CCDC97: variants seen among roughly 807,000 people sequenced by gnomAD.
CCDC97 encodes coiled-coil domain-containing protein 97.
CCDC97 carries 27 observed loss-of-function variants against 33.9 expected under a neutral mutation model. The ratio of observed to expected loss-of-function variants is 0.80; its 90% confidence interval spans 0.59 to 1.10. The LOEUF (loss-of-function observed/expected upper bound fraction) is 1.10, where lower values mean the gene tolerates loss of function less well. Among genes scored for constraint, CCDC97 ranks in the 50% least tolerant of loss-of-function variants. The probability of loss-of-function intolerance (pLI) is 0.00; values close to 1 mark genes in which losing one functional copy is unlikely to be tolerated. For missense variants in CCDC97, 422 were observed against 476.6 expected (o/e 0.89, Z 1.07); for synonymous variants, 217 against 194.0 (o/e 1.12, Z -0.99).
In CCDC97 at chr19:41,323,445, C is replaced by T. The variant is rs1568471509; in HGVS notation, c.*730C>T. 6.5e-6 allele frequency: 1 copy of T among 153,288 alleles called. No homozygotes were observed. Among genetic ancestry groups the T allele is most frequent in the Non-Finnish European group, 1.5e-5 (1 of 68,690 alleles). 9.5% of individuals were successfully genotyped at this position (153,288 alleles called of 1,614,324 possible). On this transcript the variant is annotated 3_prime_UTR_variant, in exon 5 of 5. Coordinates refer to ENST00000269967, the MANE Select transcript of CCDC97 (RefSeq NM_052848.3). ...CCCCTTCTTCCCCCTTCCCTCAAAC[C>T]TGGCTGCTATAGGCAGCAGAACCCT...
Position 41,319,845 on chromosome 19 carries a change from CG to C in CCDC97, c.775del (p.Glu259ArgfsTer21). 2 of 1,490,438 alleles carry C rather than the reference CG, an allele frequency of 1.3e-6. No individual in the cohort carries two copies. Among genetic ancestry groups the C allele is most frequent in the East Asian group, 4.6e-5 (2 of 43,300 alleles). 92.3% of individuals were successfully genotyped at this position (1,490,438 alleles called of 1,614,324 possible). On this transcript the variant is annotated frameshift_variant, in exon 3 of 5. Coordinates refer to ENST00000269967, the MANE Select transcript of CCDC97 (RefSeq NM_052848.3). LOFTEE classifies it high-confidence loss of function. ...AAGAGGAAGAGGAGGAGGACAGTGA[CG>C]AGGAAGGTGAGGGCCAGTAGCAGGA... Reference protein sequence around the residue: ...EEEEEEEDSDEEDQRSGKDSE... With the variant: ...EEEEEEEDSDXEDQRSGKDSE...
intron 1 of CCDC97, among the ~76,000 whole-genome samples, chr19:41,313,244 C>T (rs894899171): frequency 6.6e-6 from 1 of 152,174 alleles, no homozygotes; most frequent in Non-Finnish European, 1.5e-5. Flanking sequence ...GTCCCTACCT[C>T]TCATTTCTCT....
Position 41,316,595 on chromosome 19 carries a change from C to T in CCDC97, c.258C>T (p.Asp86=), listed in dbSNP as rs781344568. ...PVCSQQQGEP[D]LTEHEKVAIL... Reference sequence around the variant, plus strand: ...GCAGCCAGCAGCAGGGTGAACCCGACTTGACAGAGCATGAGAAAGTGGCCA... The same window carrying T: ...GCAGCCAGCAGCAGGGTGAACCCGATTTGACAGAGCATGAGAAAGTGGCCA... The change falls in exon 2 of 5, where the codon GAC becomes GAT. Residue 86 remains aspartate, a synonymous_variant. Transcript: ENST00000269967. 3 of 1,614,256 alleles carry T rather than the reference C, an allele frequency of 1.9e-6. No individual in the cohort carries two copies. The highest frequency in any genetic ancestry group is 2.5e-6 in the Non-Finnish European group (3 of 1,180,052).
At chr19:41,317,992 CAAA>C (rs764111028) in intron 2 of CCDC97, among the ~76,000 whole-genome samples, 60 of 61,876 alleles carry the variant, frequency 9.7e-4, no homozygotes, top group Middle Eastern at 9.3e-3. Flanking sequence ...TGGAGGTTGC[CAAA>C]AAAAAAAAAA....
rs767966086 is a variant in CCDC97 at position 41,316,789 on chromosome 19, G to C, written c.452G>C (p.Arg151Pro). The part of the protein sequence containing the change: ...RQGTARPRTL[R>P]TRLRNRRYAA... ...GGCACTGCCCGGCCCCGCACCCTGC[G>C]TACCCGCCTGCGTAACCGGCGCTAT... The change falls in exon 2 of 5, where the codon CGT (arginine) becomes CCT (proline). Residue 151 changes from arginine to proline, a missense_variant. Arg to Pro is a moderately radical substitution (Grantham distance 103, BLOSUM62 -2). Coordinates refer to ENST00000269967, the MANE Select transcript of CCDC97 (RefSeq NM_052848.3). The C allele has an allele frequency of 5.6e-6, 9 of 1,602,196 alleles. No homozygotes were observed. The highest frequency in any genetic ancestry group is 6.8e-6 in the Non-Finnish European group (8 of 1,171,012).
At position 41,323,475 on chromosome 19, in the gene CCDC97, A is replaced by T. The variant is rs1374321849; in HGVS notation, c.*760A>T. ...TGCTATAGGCAGCAGAACCCTGACC[A>T]CTGAGTAATACAGCCCCAGGGGAGG... On this transcript the variant is annotated 3_prime_UTR_variant, in exon 5 of 5. Transcript: ENST00000269967. 1 of 152,346 alleles carries T rather than the reference A, an allele frequency of 6.6e-6. No individual in the cohort carries two copies. The highest frequency in any genetic ancestry group is 1.5e-5 in the Non-Finnish European group (1 of 68,122). The allele number at this position is 152,346 out of a possible 1,614,324, so 9.4% of individuals were successfully genotyped here.
At chr19:41,311,805 G>A (rs866053986) in intron 1 of CCDC97, among the ~76,000 whole-genome samples, 3 of 151,576 alleles carry the variant, frequency 2.0e-5, no homozygotes, top group South Asian at 2.1e-4. Flanking sequence ...AGTCTGAGGC[G>A]GGAGGATCAC....
intron 1 of CCDC97, 48 bp from the exon 2 acceptor site, chr19:41,316,336 C>A (rs780306929): frequency 6.1e-6 from 9 of 1,467,762 alleles, no homozygotes; most frequent in Non-Finnish European, 7.5e-6. Flanking sequence ...GCCCCCAGTC[C>A]CTTCCCACAC....
chr19:41,316,691 G>A lies in CCDC97; in HGVS notation c.354G>A (p.Glu118=), dbSNP rs1599873793. 1 of 1,614,088 alleles carries A rather than the reference G, an allele frequency of 6.2e-7. No individual in the cohort carries two copies. The highest frequency in any genetic ancestry group is 8.5e-7 in the Non-Finnish European group (1 of 1,180,020). Residue 118 remains glutamate (E), a synonymous_variant, in exon 2 of 5, where the codon GAG becomes GAA. Transcript: ENST00000269967. The stretch of plus-strand genomic sequence containing the variant: ...GCTTCCGCACAGGCCTCCGTGAGGA[G>A]CATCTGGCCTGCTTTGGCCACGTGC... The part of the protein sequence containing the change: ...LERFRTGLRE[E]HLACFGHVRG...
chr19:41,310,919 C>T (rs1459735206), intron 1 of CCDC97: 6 of 975,716 alleles, frequency 6.1e-6, no homozygotes, highest in Admixed American at 6.1e-5. Flanking sequence ...CAAAGTAATC[C>T]GACGTCGGGT....
At position 41,310,700 on chromosome 19, in the gene CCDC97, C is replaced by T. The variant is rs1199409542; in HGVS notation, c.46+344C>T. 23 of 1,183,376 alleles carry T rather than the reference C, an allele frequency of 1.9e-5. No individual in the cohort carries two copies. In the Admixed American group the frequency reaches 8.8e-4, roughly 45 times the overall value. 73.3% of individuals were successfully genotyped at this position (1,183,376 alleles called of 1,614,324 possible). Reference sequence around the variant, plus strand: ...CCTCAGACCAGCCCTTCTCAAATTACCTCCTTCCCTGTACCAAGCTGAGCC... The same window carrying T: ...CCTCAGACCAGCCCTTCTCAAATTATCTCCTTCCCTGTACCAAGCTGAGCC... On this transcript the variant is annotated intron_variant, in intron 1 of 4. Transcript: ENST00000269967.
Position 41,322,891 on chromosome 19 carries a change from T to G in CCDC97, c.*176T>G. 1.7e-6 allele frequency: 1 copy of G among 589,236 alleles called. No individual in the cohort carries two copies. Among genetic ancestry groups the G allele is most frequent in the South Asian group, 2.6e-5 (1 of 39,212 alleles). 36.5% of individuals were successfully genotyped at this position (589,236 alleles called of 1,614,324 possible). The stretch of plus-strand genomic sequence containing the variant: ...TCAGACAACCCCCACCCCCACTGTT[T>G]CTGGGGTTCCCTTTCTCATCTCTCC... On this transcript the variant is annotated 3_prime_UTR_variant, in exon 5 of 5. Coordinates refer to ENST00000269967, the MANE Select transcript of CCDC97 (RefSeq NM_052848.3).
chr19:41,319,690 C>T lies in CCDC97; in HGVS notation c.619C>T (p.Pro207Ser), dbSNP rs2037794892. ...CAGTGCCCGCACCCCAACCCACCAG[C>T]CCCCCAAGCCCGGGTCCCCCGGGAG... ...ELSARTPTHQPPKPGSPGRPA... is the reference protein window; with the variant it reads ...ELSARTPTHQSPKPGSPGRPA... Residue 207 changes from proline to serine, a missense_variant, in exon 3 of 5, where the codon CCC becomes TCC. Physicochemically the swap from Pro to Ser is moderately conservative, Grantham distance 74. Transcript: ENST00000269967. The T allele has an allele frequency of 1.2e-6, 2 of 1,613,864 alleles. No individual in the cohort carries two copies. Among genetic ancestry groups the T allele is most frequent in the Non-Finnish European group, 1.7e-6 (2 of 1,179,772 alleles).
intron 2 of CCDC97, among the ~76,000 whole-genome samples, chr19:41,318,089 G>A (rs1435036844): frequency 1.3e-5 from 2 of 151,878 alleles, no homozygotes; most frequent in Non-Finnish European, 2.9e-5. Context: ...TAAAGGAAGA[G>A]ATGGAGAGAG....
chr19:41,313,390 C>T (rs1017171531), intron 1 of CCDC97, among the ~76,000 whole-genome samples: 11 of 152,122 alleles, frequency 7.2e-5, no homozygotes, highest in Non-Finnish European at 1.3e-4. Flanking sequence ...ACTTCCAGCA[C>T]GTCAGCCCTG....
Position 41,310,280 on chromosome 19 carries a change from C to G in CCDC97, c.-31C>G. ...GCCGGAGGTTAGTGTGCGGGGCCCGCCGGGCGGTTGAAAAGTCCGAGAGAA... is the reference window on the plus strand; with the variant it reads ...GCCGGAGGTTAGTGTGCGGGGCCCGGCGGGCGGTTGAAAAGTCCGAGAGAA... On this transcript the variant is annotated 5_prime_UTR_variant, in exon 1 of 5. Coordinates refer to ENST00000269967, the MANE Select transcript of CCDC97 (RefSeq NM_052848.3). 6.3e-7 allele frequency: 1 copy of G among 1,583,906 alleles called. No individual in the cohort carries two copies. The highest frequency in any genetic ancestry group is 8.6e-7 in the Non-Finnish European group (1 of 1,165,328).
rs1385884488 is a variant in CCDC97, at chr19:41,316,632, C to T, written c.295C>T (p.Leu99=). ...EHEKVAILAQ[L]YHEKPLVFLE... ...TGAGAAAGTGGCCATCCTGGCCCAGCTGTACCACGAGAAGCCACTGGTGTT... is the reference window on the plus strand; with the variant it reads ...TGAGAAAGTGGCCATCCTGGCCCAGTTGTACCACGAGAAGCCACTGGTGTT... Residue 99 remains leucine (L), a synonymous_variant, in exon 2 of 5, where the codon CTG becomes TTG. Transcript: ENST00000269967. The T allele has an allele frequency of 6.2e-7, 1 of 1,614,092 alleles. No individual in the cohort carries two copies. The highest frequency in any genetic ancestry group is 1.7e-5 in the Admixed American group (1 of 60,010).
rs935959717 is a variant in CCDC97 at position 41,310,268 on chromosome 19, G to C, written c.-43G>C. ...TTGCGTGCGTGGGCCGGAGGTTAGT[G>C]TGCGGGGCCCGCCGGGCGGTTGAAA... On this transcript the variant is annotated 5_prime_UTR_variant, in exon 1 of 5. Transcript: ENST00000269967. 8.3e-6 allele frequency: 13 copies of C among 1,572,658 alleles called. No homozygotes were observed. The highest frequency in any genetic ancestry group is 1.1e-5 in the Non-Finnish European group (13 of 1,159,136).
rs1599869852 is a variant in CCDC97 at position 41,310,227 on chromosome 19, C to G, written c.-84C>G. Reference sequence around the variant, plus strand: ...GGTGCACCCGGACCCGGAACATTCTCAGGCGAAAGTGTCTCTTGCGTGCGT... The same window carrying G: ...GGTGCACCCGGACCCGGAACATTCTGAGGCGAAAGTGTCTCTTGCGTGCGT... On this transcript the variant is annotated 5_prime_UTR_variant, in exon 1 of 5. Transcript: ENST00000269967. 2.0e-6 allele frequency: 3 copies of G among 1,535,806 alleles called. No homozygotes were observed. The highest frequency in any genetic ancestry group is 2.6e-6 in the Non-Finnish European group (3 of 1,133,412).
Sources: gnomAD v4.1 joint callset for allele counts (sites outside exome capture counted in the v4.1 genomes callset) on GRCh38, gnomAD v4.1.1 for gene constraint, MANE v1.5 for transcripts, NCBI Gene and HGNC (gene_info 2026-07-23, HGNC 2026-07-21) for gene names.